Variants in KLHL36 observed in about 807,000 individuals in gnomAD.
KLHL36 encodes the protein kelch-like protein 36.
KLHL36 carries 35 observed loss-of-function variants against 53.3 expected under a neutral mutation model. The ratio of observed to expected loss-of-function variants is 0.66; its 90% confidence interval spans 0.50 to 0.87. The LOEUF is 0.87. Among genes scored for constraint, KLHL36 ranks in the 40% least tolerant of loss-of-function variants. The pLI is 0.00. For missense variants in KLHL36, 864 were observed against 897.6 expected, an observed-to-expected ratio of 0.96 and a Z score of 0.48; for synonymous variants, 472 against 398.9, an observed-to-expected ratio of 1.18 and a Z score of -2.18.
In KLHL36 at chr16:84,661,467, A is replaced by G. The variant is rs1013756222; in HGVS notation, c.1296-111A>G. ...TGTTCATGGGGTGCCCACTCCCTATATTCTTAAATCCTCATGGCCCTCTAA... is the reference window on the plus strand; with the variant it reads ...TGTTCATGGGGTGCCCACTCCCTATGTTCTTAAATCCTCATGGCCCTCTAA... On this transcript the variant is annotated intron_variant, in intron 4 of 4. Transcript: ENST00000564996. This position sits in a 1 kb window ranked among gnomAD's most constrained non-coding sequence, Gnocchi z 7.9. 3.7e-6 allele frequency: 4 copies of G among 1,091,480 alleles called. No individual in the cohort carries two copies. Among genetic ancestry groups the G allele is most frequent in the Non-Finnish European group, 5.3e-6 (4 of 760,172 alleles). 67.6% of individuals were successfully genotyped at this position (1,091,480 alleles called of 1,614,324 possible).
In KLHL36 at chr16:84,665,614, A is replaced by G. The variant is rs781299219; in HGVS notation, c.*3481A>G. On this transcript the variant is annotated 3_prime_UTR_variant, in exon 5 of 5. Transcript: ENST00000564996. ...AGCAGGACCACACGTGTGTATTTAT[A>G]TTGAGTGCCCTCACTCATGATAAGG... is the stretch of plus-strand genomic sequence containing the variant. The G allele has an allele frequency of 1.3e-5, 2 of 152,234 alleles. No individual in the cohort carries two copies. Among genetic ancestry groups the G allele is most frequent in the South Asian group, 4.1e-4 (2 of 4,836 alleles). The allele number at this position is 152,234 out of a possible 1,614,324, so 9.4% of individuals were successfully genotyped here. A position where few individuals can be genotyped will look rare whatever the true frequency, so the allele number is the denominator to read the frequency against.
rs534824761 is a variant in KLHL36, at chr16:84,664,118, A to C, written c.*1985A>C. On this transcript the variant is annotated 3_prime_UTR_variant, in exon 5 of 5. Coordinates refer to ENST00000564996, the MANE Select transcript of KLHL36 (RefSeq NM_024731.4). The stretch of plus-strand genomic sequence containing the variant: ...CCTAAAAGTCGTTTGTCTCATACCT[A>C]GTCCCAGACCCCCACAAAACATGTT... 3 of 152,320 alleles carry C rather than the reference A, an allele frequency of 2.0e-5. No individual in the cohort carries two copies. Among genetic ancestry groups the C allele is most frequent in the Admixed American group, 2.0e-4 (3 of 15,296 alleles). 9.4% of individuals were successfully genotyped at this position (152,320 alleles called of 1,614,324 possible).
chr16:84,659,232 A>T (rs1386464031), intron 3 of KLHL36: 1 of 152,396 alleles, frequency 6.6e-6, no homozygotes, highest in Non-Finnish European at 1.5e-5. Context: ...GAACTCCGTG[A>T]CCTCAGGTAA....
rs753253442 is a variant in KLHL36, at chr16:84,662,273, A to G, written c.*140A>G. ...TTTTATGATTCTTGGTATTTCTATG[A>G]TATCACAGTAACCAATTAAATACTA... On this transcript the variant is annotated 3_prime_UTR_variant, in exon 5 of 5. Coordinates refer to ENST00000564996, the MANE Select transcript of KLHL36 (RefSeq NM_024731.4). 6 of 753,430 alleles carry G rather than the reference A, an allele frequency of 8.0e-6. No individual in the cohort carries two copies. The highest frequency in any genetic ancestry group is 2.0e-5 in the South Asian group (1 of 49,948). The allele number at this position is 753,430 out of a possible 1,614,324, so 46.7% of individuals were successfully genotyped here. A position where few individuals can be genotyped will look rare whatever the true frequency, so the allele number is the denominator to read the frequency against.
Position 84,665,624 on chromosome 16 carries a change from C to T in KLHL36, c.*3491C>T, listed in dbSNP as rs1907795782. On this transcript the variant is annotated 3_prime_UTR_variant, in exon 5 of 5. Coordinates refer to ENST00000564996, the MANE Select transcript of KLHL36 (RefSeq NM_024731.4). The stretch of plus-strand genomic sequence containing the variant: ...CACGTGTGTATTTATATTGAGTGCC[C>T]TCACTCATGATAAGGTGACTTCATG... The T allele has an allele frequency of 6.6e-6, 1 of 152,214 alleles. No homozygotes were observed. The highest frequency in any genetic ancestry group is 6.5e-5 in the Admixed American group (1 of 15,288). The allele number at this position is 152,214 out of a possible 1,614,324, so 9.4% of individuals were successfully genotyped here. A position where few individuals can be genotyped will look rare whatever the true frequency, so the allele number is the denominator to read the frequency against.
Position 84,661,777 on chromosome 16 carries a change from G to C in KLHL36, c.1495G>C (p.Gly499Arg). Residue 499 changes from glycine (G) to arginine (R), a missense_variant, in exon 5 of 5, where the codon GGG (glycine) becomes CGG (arginine). By Grantham distance (125) the Gly-to-Arg change is moderately radical. Transcript: ENST00000564996. The surrounding 1 kb of genome is among the most constrained non-coding windows in gnomAD (Gnocchi z 7.9). ...CSLGDSIYSI[G>R]GSDDNIESME... ...CCTGGGTGACAGCATCTACTCCATCGGGGGCAGCGATGACAACATCGAGTC... is the reference window on the plus strand; with the variant it reads ...CCTGGGTGACAGCATCTACTCCATCCGGGGCAGCGATGACAACATCGAGTC... 1 of 1,612,894 alleles carries C rather than the reference G, an allele frequency of 6.2e-7. No individual in the cohort carries two copies.
chr16:84,652,544 C>T (rs11866814), intron 2 of KLHL36, among the ~76,000 whole-genome samples: 19 of 152,216 alleles, frequency 1.2e-4, no homozygotes, highest in African/African-American at 3.6e-4. Flanking sequence ...GCTGGGATTA[C>T]AGGCGCGAGC....
chr16:84,657,152 C>T lies in KLHL36; in HGVS notation c.345C>T (p.Asn115=). 2 of 1,614,138 alleles carry T rather than the reference C, an allele frequency of 1.2e-6. No homozygotes were observed. The highest frequency in any genetic ancestry group is 8.5e-7 in the Non-Finnish European group (1 of 1,180,032). ...GGGAGCTGGTGCTGGATGGCGGCAA[C>T]ATTGACTACGTCCTGGAGACGGCTC... The part of the protein sequence containing the change: ...YGGELVLDGG[N]IDYVLETAHL... Residue 115 remains asparagine, a synonymous_variant, in exon 3 of 5, where the codon AAC becomes AAT. Transcript: ENST00000564996.
chr16:84,661,074 G>A lies in KLHL36; in HGVS notation c.1296-504G>A, dbSNP rs1022272148. Among the ~76,000 whole-genome samples the A allele has an allele frequency of 3.3e-5, 5 of 152,162 alleles. No homozygotes were observed. The highest frequency in any genetic ancestry group is 1.2e-4 in the African/African-American group (5 of 41,446). ...ATTTCACTGCCCTAAAGCCCACTGT[G>A]TGCGTGCTGTCCATCCCTCCCTCCC... On this transcript the variant is annotated intron_variant, in intron 4 of 4. Coordinates refer to ENST00000564996, the MANE Select transcript of KLHL36 (RefSeq NM_024731.4). The surrounding 1 kb of genome is among the most constrained non-coding windows in gnomAD (Gnocchi z 7.9).
chr16:84,655,196 G>C (rs1907129911), intron 2 of KLHL36, among the ~76,000 whole-genome samples: 1 of 152,218 alleles, frequency 6.6e-6, no homozygotes, highest in South Asian at 2.1e-4. Context: ...TGAGAATGTG[G>C]CCTGCTCCTG....
At chr16:84,652,973 C>G (rs1027288433) in intron 2 of KLHL36, among the ~76,000 whole-genome samples, 7 of 151,624 alleles carry the variant, frequency 4.6e-5, no homozygotes, top group Admixed American at 3.9e-4. Flanking sequence ...ATCCCAGCAC[C>G]CTGGGAGGCC....
intron 3 of KLHL36, 127 bp from the exon 4 acceptor site, chr16:84,659,633 G>A: frequency 2.1e-6 from 2 of 961,300 alleles, no homozygotes; most frequent in South Asian, 1.6e-5. Context: ...TTATTCAGGT[G>A]CAGTTCCCTT....
intron 1 of KLHL36, among the ~76,000 whole-genome samples, chr16:84,650,303 A>G (rs913160672): frequency 6.6e-6 from 1 of 152,028 alleles, no homozygotes; most frequent in South Asian, 2.1e-4. Flanking sequence ...TTAAAGTGTG[A>G]TACTCTCGAA....
intron 4 of KLHL36, 135 bp downstream of exon 4, chr16:84,660,052 G>A: frequency 1.1e-6 from 1 of 913,760 alleles, no homozygotes; most frequent in Non-Finnish European, 1.7e-6. Context: ...CAGGAAGAGT[G>A]GGTACACCAT....
chr16:84,667,436 T>C lies in KLHL36; in HGVS notation c.*5303T>C, dbSNP rs1907900833. On this transcript the variant is annotated 3_prime_UTR_variant, in exon 5 of 5. Coordinates refer to ENST00000564996, the MANE Select transcript of KLHL36 (RefSeq NM_024731.4). ...TTTGTATTTGTAATTTTATGACATTTCGAAGTTTCTGTGTCTTAACTCTTT... is the reference window on the plus strand; with the variant it reads ...TTTGTATTTGTAATTTTATGACATTCCGAAGTTTCTGTGTCTTAACTCTTT... 1 of 152,270 alleles carries C rather than the reference T, an allele frequency of 6.6e-6. No individual in the cohort carries two copies. 9.4% of individuals were successfully genotyped at this position (152,270 alleles called of 1,614,324 possible).
At chr16:84,649,718 G>C (rs1353942313) in intron 1 of KLHL36, among the ~76,000 whole-genome samples, 1 of 152,200 alleles carries the variant, frequency 6.6e-6, no homozygotes, top group African/African-American at 2.4e-5. Flanking sequence ...TTCCTTCCAT[G>C]GGAACACTGG....
chr16:84,662,009 G>T lies in KLHL36; in HGVS notation c.1727G>T (p.Ser576Ile), dbSNP rs1907587697. 1.9e-6 allele frequency: 3 copies of T among 1,592,028 alleles called. No individual in the cohort carries two copies. The South Asian group carries it at 3.4e-5, about 18-fold the overall frequency. The change falls in exon 5 of 5, where the codon AGC becomes ATC. Residue 576 changes from serine (S) to isoleucine (I), a missense_variant. Ser to Ile is a moderately radical substitution (Grantham distance 142). Transcript: ENST00000564996. ...QVYDREADKW[S>I]RGVDLPKAIA... ...TACGACCGCGAGGCCGACAAGTGGA[G>T]CAGGGGCGTCGACCTGCCCAAGGCC... is the stretch of plus-strand genomic sequence containing the variant.
chr16:84,654,302 C>T lies in KLHL36; in HGVS notation c.64-2569C>T, dbSNP rs551550490. On this transcript the variant is annotated intron_variant, in intron 2 of 4. Transcript: ENST00000564996. ...TTAATTTCCTTCCTTCAGCTCACAC[C>T]CAAGAGGGGCCTCCAGTCAATGTCT... 1.2e-3 allele frequency among the ~76,000 whole-genome samples: 185 copies of T among 152,314 alleles called. 2 individuals carry two copies. The highest frequency in any genetic ancestry group is 3.6e-3 in the African/African-American group (149 of 41,568).
chr16:84,656,032 A>G (rs1309453504), intron 2 of KLHL36, among the ~76,000 whole-genome samples: 1 of 151,834 alleles, frequency 6.6e-6, no homozygotes, highest in African/African-American at 2.4e-5. Context: ...AGCTGGGACT[A>G]CAGGCGAATG....
Sources: gnomAD v4.1 joint callset for allele counts (sites outside exome capture counted in the v4.1 genomes callset) on GRCh38, gnomAD v4.1.1 for gene constraint, Gnocchi (gnomAD v3.1) non-coding constraint, MANE v1.5 for transcripts, NCBI Gene and HGNC (gene_info 2026-07-23, HGNC 2026-07-21) for gene names.